The following HNF1B variants were observed in gnomAD, a reference collection of about 807,000 sequenced individuals.
HNF1B encodes the protein HNF1 homeobox B, also known as hepatocyte nuclear factor 1-beta.
A neutral mutation model predicts 61.7 loss-of-function variants in HNF1B; 8 were observed. The observed-to-expected ratio is 0.13, with a 90% CI of 0.08 to 0.23. The LOEUF is 0.23. HNF1B is among the 10% of genes least tolerant of loss of function. HNF1B has a pLI of 1.00. For synonymous variants in HNF1B, 314 were observed against 287.7 expected, an observed-to-expected ratio of 1.09 and a Z score of -0.93; for missense variants, 562 against 714.5, an observed-to-expected ratio of 0.79 and a Z score of 2.43.
chr17:37,729,307 A>G (rs2033610393), intron 4 of HNF1B: 1 of 151,900 alleles, frequency 6.6e-6, no homozygotes, highest in African/African-American at 2.4e-5. Flanking sequence ...CAATCTCACA[A>G]CTGTAATCCC....
chr17:37,717,135 T>A (rs2033149541), intron 4 of HNF1B, among the ~76,000 whole-genome samples: 1 of 152,186 alleles, frequency 6.6e-6, no homozygotes, highest in Non-Finnish European at 1.5e-5. Flanking sequence ...GGGGCTCAGC[T>A]TGCCCACGAT....
At chr17:37,701,526 G>C (rs1016086374) in intron 6 of HNF1B, among the ~76,000 whole-genome samples, 1 of 152,244 alleles carries the variant, frequency 6.6e-6, no homozygotes, top group Non-Finnish European at 1.5e-5. Context: ...GGCTGTGAGA[G>C]AGGCTTGCCC....
chr17:37,744,247 CAAA>C (rs2147597002), intron 1 of HNF1B, among the ~76,000 whole-genome samples: 1 of 152,350 alleles, frequency 6.6e-6, no homozygotes, highest in South Asian at 2.1e-4. Flanking sequence ...AACCTCCCGG[CAAA>C]GGGCTCCACA....
At chr17:37,739,276 A>G (rs2033920167) in intron 2 of HNF1B, among the ~76,000 whole-genome samples, 164 bp downstream of exon 2, 1 of 152,160 alleles carries the variant, frequency 6.6e-6, no homozygotes, top group Admixed American at 6.5e-5. Flanking sequence ...ACAGAAGCCA[A>G]TCCATTGTAC....
At chr17:37,733,929 A>C in intron 2 of HNF1B, 108 bp from the exon 3 acceptor site, 2 of 1,354,026 alleles carry the variant, frequency 1.5e-6, no homozygotes, top group Non-Finnish European at 2.1e-6. Context: ...CCCTCGTCTA[A>C]CTAAGCTTTG....
intron 4 of HNF1B, among the ~76,000 whole-genome samples, chr17:37,711,377 C>T (rs1199224077): frequency 1.3e-5 from 2 of 152,202 alleles, no homozygotes; most frequent in Non-Finnish European, 2.9e-5. Flanking sequence ...GTGGGGCAGG[C>T]AGCACCACAC....
At chr17:37,716,550 T>C (rs976093253) in intron 4 of HNF1B, among the ~76,000 whole-genome samples, 1 of 152,186 alleles carries the variant, frequency 6.6e-6, no homozygotes, top group Non-Finnish European at 1.5e-5. Context: ...GTGGTTCTTA[T>C]CACATGGCTT....
chr17:37,723,747 C>CA (rs912565702), intron 4 of HNF1B, among the ~76,000 whole-genome samples: 18 of 151,994 alleles, frequency 1.2e-4, no homozygotes, highest in South Asian at 2.1e-4. Flanking sequence ...ACTAAAAAAA[C>CA]AAAAAAACAA....
In HNF1B at chr17:37,701,135, C is replaced by T. The variant is rs767089938; in HGVS notation, c.1382G>A (p.Ser461Asn). 16 of 1,551,920 alleles carry T rather than the reference C, an allele frequency of 1.0e-5. No homozygotes were observed. In the South Asian group the frequency reaches 1.9e-4, roughly 18 times the overall value. The change falls in exon 7 of 9, where the codon AGT (serine) becomes AAT (asparagine). Residue 461 changes from serine to asparagine, a missense_variant. Coordinates refer to ENST00000617811, the MANE Select transcript of HNF1B (RefSeq NM_000458.4). ...SQAQSVPVINSVAGSLAALQP... is the reference protein window; with the variant it reads ...SQAQSVPVINNVAGSLAALQP... ...CAGGGCTGCCAGGCTGCCGGCCACA[C>T]TGTTGATGACAGGGACACTCTGTGC...
chr17:37,715,603 G>A (rs1217233572), intron 4 of HNF1B, among the ~76,000 whole-genome samples: 3 of 152,160 alleles, frequency 2.0e-5, no homozygotes, highest in Non-Finnish European at 4.4e-5. Flanking sequence ...CAGCCGCCTC[G>A]GTCCACTGTG....
At chr17:37,704,695 T>C (rs1026701646) in intron 6 of HNF1B, among the ~76,000 whole-genome samples, 4 of 152,226 alleles carry the variant, frequency 2.6e-5, no homozygotes, top group African/African-American at 9.6e-5. Context: ...GCTGCTAAAC[T>C]GTGACCAGGA....
At chr17:37,733,966 T>C (rs544920583) in intron 2 of HNF1B, 145 bp from the exon 3 acceptor site, 1 of 985,652 alleles carries the variant, frequency 1.0e-6, no homozygotes, top group South Asian at 1.4e-5. Context: ...CATGTGGAGC[T>C]GGAGATGGGG....
chr17:37,705,616 T>C (rs1486705257), intron 5 of HNF1B, among the ~76,000 whole-genome samples: 1 of 152,216 alleles, frequency 6.6e-6, no homozygotes, highest in East Asian at 1.9e-4. Context: ...AGCTACTGAT[T>C]TTGGTGTATT....
Position 37,744,671 on chromosome 17 carries a change from C to A in HNF1B, c.214G>T (p.Gly72Cys). ...FHTLTNGHAK[G>C]RLSGDEGSED... ...GAGCCCTCGTCGCCGGACAAGCGGC[C>A]CTTGGCGTGGCCGTTGGTGAGAGTA... Residue 72 changes from glycine to cysteine, a missense_variant, in exon 1 of 9, where the codon GGC becomes TGC. This residue lies in a region of HNF1B where 148 missense variants were observed against 147.3 expected (regional missense o/e 1.00). Transcript: ENST00000617811. 6.2e-7 allele frequency: 1 copy of A among 1,613,450 alleles called. No individual in the cohort carries two copies. The highest frequency in any genetic ancestry group is 2.2e-5 in the East Asian group (1 of 44,886).
intron 4 of HNF1B, 65 bp downstream of exon 4, chr17:37,731,530 T>C: frequency 7.4e-7 from 1 of 1,351,928 alleles, no homozygotes; most frequent in Non-Finnish European, 1.0e-6. Context: ...TTAAACCAGA[T>C]AAGATCCGTG....
chr17:37,691,637 T>A lies in HNF1B; in HGVS notation c.1654-4245A>T, dbSNP rs1376368744. 2.6e-5 allele frequency among the ~76,000 whole-genome samples: 4 copies of A among 152,104 alleles called. No individual in the cohort carries two copies. In the South Asian group the frequency reaches 8.3e-4, roughly 32 times the overall value. On this transcript the variant is annotated intron_variant, in intron 8 of 8. Coordinates refer to ENST00000617811, the MANE Select transcript of HNF1B (RefSeq NM_000458.4). ...ACAGGTCTTCGTGCAGTTAGTCCTTTCAGTGATCCCATGAAAGAGGTATCA... is the reference window on the plus strand; with the variant it reads ...ACAGGTCTTCGTGCAGTTAGTCCTTACAGTGATCCCATGAAAGAGGTATCA...
At chr17:37,695,493 C>A (rs376172041) in intron 8 of HNF1B, among the ~76,000 whole-genome samples, 9 of 152,228 alleles carry the variant, frequency 5.9e-5, no homozygotes, top group African/African-American at 2.2e-4. Context: ...CACACAGAGT[C>A]CCTACCAGGA....
intron 8 of HNF1B, among the ~76,000 whole-genome samples, chr17:37,697,496 G>A (rs889383119): frequency 6.6e-6 from 1 of 152,138 alleles, no homozygotes; most frequent in Non-Finnish European, 1.5e-5. Context: ...GAATTCAGAC[G>A]ACTTGTTTCA....
intron 1 of HNF1B, among the ~76,000 whole-genome samples, chr17:37,742,221 G>C (rs116820259): frequency 0.016 from 2,476 of 152,334 alleles, 45 homozygotes; most frequent in South Asian, 0.082. Context: ...GTTCGTTAAG[G>C]AGCCCAACTT....
Sources: allele counts gnomAD v4.1 joint callset (sites outside exome capture counted in the v4.1 genomes callset), GRCh38; gene constraint gnomAD v4.1.1; regional missense constraint gnomAD v4.1.1; transcripts MANE v1.5; gene names NCBI Gene and HGNC (gene_info 2026-07-23, HGNC 2026-07-21).